The following BMERB1 variants were observed in gnomAD, a reference collection of about 807,000 sequenced individuals.
BMERB1 encodes the protein bMERB domain containing 1, also known as bMERB domain-containing protein 1.
In BMERB1, 12 loss-of-function variants were observed where a neutral mutation model predicts 23.6. The observed-to-expected ratio is 0.51, with a 90% CI of 0.33 to 0.82. The LOEUF (loss-of-function observed/expected upper bound fraction) is 0.82, where lower values mean the gene tolerates loss of function less well. BMERB1 is among the 40% of genes least tolerant of loss of function. The probability of loss-of-function intolerance (pLI) is 0.03; values close to 1 mark genes in which losing one functional copy is unlikely to be tolerated. For synonymous variants in BMERB1, 122 were observed against 96.6 expected, an observed-to-expected ratio of 1.26 and a Z score of -1.54; for missense variants, 247 against 255.4, an observed-to-expected ratio of 0.97 and a Z score of 0.22.
chr16:15,491,393 G>A (rs1018605960), intron 1 of BMERB1, among the ~76,000 whole-genome samples: 1 of 150,178 alleles, frequency 6.7e-6, no homozygotes, highest in Non-Finnish European at 1.5e-5. Context: ...CCCTCTTGTT[G>A]CCCAGTCTGG....
intron 1 of BMERB1, among the ~76,000 whole-genome samples, chr16:15,438,896 T>C (rs1330920155): frequency 6.6e-6 from 1 of 152,214 alleles, no homozygotes; most frequent in African/African-American, 2.4e-5. Flanking sequence ...GTGTGAAAAT[T>C]AGTACTTTTG....
At chr16:15,504,011 C>G (rs2051557686) in intron 1 of BMERB1, among the ~76,000 whole-genome samples, 1 of 152,172 alleles carries the variant, frequency 6.6e-6, no homozygotes, top group South Asian at 2.1e-4. Flanking sequence ...TATATAAGAG[C>G]AAACATATGT....
intron 1 of BMERB1, among the ~76,000 whole-genome samples, chr16:15,470,154 T>C (rs1476906156): frequency 6.6e-6 from 1 of 152,220 alleles, no homozygotes; most frequent in Non-Finnish European, 1.5e-5. Context: ...TGTTCTCCCT[T>C]ATTCCTACTT....
chr16:15,519,620 G>T (rs2051824558), intron 2 of BMERB1, among the ~76,000 whole-genome samples: 1 of 151,960 alleles, frequency 6.6e-6, no homozygotes, highest in Admixed American at 6.6e-5. Flanking sequence ...TGAACTCCTG[G>T]CCTCAAGTGA....
intron 1 of BMERB1, among the ~76,000 whole-genome samples, chr16:15,506,584 T>C (rs545440326): frequency 6.6e-6 from 1 of 152,096 alleles, no homozygotes; most frequent in Non-Finnish European, 1.5e-5. Context: ...ATTTACCAGA[T>C]CACTATATGT....
chr16:15,456,912 A>ACCT (rs1195759794), intron 1 of BMERB1, among the ~76,000 whole-genome samples: 3 of 151,770 alleles, frequency 2.0e-5, no homozygotes, highest in Non-Finnish European at 4.4e-5. Flanking sequence ...TACAACCTCC[A>ACCT]CCTCCTGGGT....
At chr16:15,448,389 G>A (rs2051009514) in intron 1 of BMERB1, among the ~76,000 whole-genome samples, 3 of 152,150 alleles carry the variant, frequency 2.0e-5, no homozygotes, top group Admixed American at 2.0e-4. Flanking sequence ...AATCTTGAAG[G>A]GAGAAACCCA....
intron 1 of BMERB1, among the ~76,000 whole-genome samples, chr16:15,466,834 C>A (rs1567457334): frequency 2.6e-5 from 4 of 152,122 alleles, no homozygotes; most frequent in Admixed American, 2.6e-4. Flanking sequence ...GTTCCTCCTG[C>A]TACTTTTGTA....
At chr16:15,561,842 A>G (rs952635413) in intron 2 of BMERB1, among the ~76,000 whole-genome samples, 6 of 152,260 alleles carry the variant, frequency 3.9e-5, no homozygotes, top group Admixed American at 3.9e-4. Context: ...GCAGTGAGCT[A>G]TGATTGCACT....
intron 2 of BMERB1, among the ~76,000 whole-genome samples, chr16:15,553,296 C>T (rs1284492209): frequency 6.6e-6 from 1 of 152,218 alleles, no homozygotes; most frequent in African/African-American, 2.4e-5. Context: ...GCATGAGCCA[C>T]CGTGCCTGGC....
At chr16:15,510,981 C>T (rs1598482607) in intron 1 of BMERB1, among the ~76,000 whole-genome samples, 1 of 152,048 alleles carries the variant, frequency 6.6e-6, no homozygotes, top group Admixed American at 6.6e-5. Flanking sequence ...GGATTACAGG[C>T]GTGAGCCACC....
At chr16:15,535,663 A>G (rs2052017871) in intron 2 of BMERB1, among the ~76,000 whole-genome samples, 4 of 151,136 alleles carry the variant, frequency 2.6e-5, no homozygotes, top group Admixed American at 2.6e-4. Flanking sequence ...AAAAAAAAAA[A>G]GGAAAGAAAA....
chr16:15,487,210 A>G (rs181151824), intron 1 of BMERB1, among the ~76,000 whole-genome samples: 37 of 152,324 alleles, frequency 2.4e-4, no homozygotes, highest in Non-Finnish European at 4.6e-4. Context: ...TAACCTTAAA[A>G]GCTTTAGTAA....
At chr16:15,512,949 C>T (rs952413238) in intron 1 of BMERB1, among the ~76,000 whole-genome samples, 8 of 151,784 alleles carry the variant, frequency 5.3e-5, no homozygotes, top group Admixed American at 3.9e-4. Flanking sequence ...TACCAACTTT[C>T]ATTATTCCTT....
chr16:15,543,451 T>A (rs995761276), intron 2 of BMERB1, among the ~76,000 whole-genome samples: 6 of 152,122 alleles, frequency 3.9e-5, no homozygotes, highest in Admixed American at 6.5e-5. Context: ...CCTGTCCTTC[T>A]GCCGCCTGTC....
intron 2 of BMERB1, among the ~76,000 whole-genome samples, chr16:15,527,213 C>G (rs1174067191): frequency 6.6e-6 from 1 of 152,052 alleles, no homozygotes; most frequent in East Asian, 1.9e-4. Flanking sequence ...AAACTCTGTA[C>G]CATTCAACAC....
At chr16:15,454,336 TGGAAG>T (rs1296636078) in intron 1 of BMERB1, among the ~76,000 whole-genome samples, 1 of 152,226 alleles carries the variant, frequency 6.6e-6, no homozygotes, top group African/African-American at 2.4e-5. Context: ...CTAGGTGACT[TGGAAG>T]GGAAGGAAAC....
chr16:15,515,662 T>C (rs182091008), intron 2 of BMERB1, among the ~76,000 whole-genome samples: 1 of 152,308 alleles, frequency 6.6e-6, no homozygotes. Context: ...CCAAAACCTT[T>C]GTTCTTTCTG....
intron 1 of BMERB1, among the ~76,000 whole-genome samples, chr16:15,440,296 A>T (rs2050929021): frequency 6.6e-6 from 1 of 151,854 alleles, no homozygotes; most frequent in Non-Finnish European, 1.5e-5. Context: ...TGCTGGAAAT[A>T]AATGCTCTAT....
Sources: allele counts gnomAD v4.1 joint callset (sites outside exome capture counted in the v4.1 genomes callset), GRCh38; gene constraint gnomAD v4.1.1; transcripts MANE v1.5; gene names NCBI Gene and HGNC (gene_info 2026-07-23, HGNC 2026-07-21).